Variants in DENND4C observed in about 807,000 individuals in gnomAD.
DENND4C encodes DENN domain containing 4C.
Under a neutral mutation model 203.0 loss-of-function variants are expected in DENND4C, and 108 were observed. The observed-to-expected ratio is 0.53, with a 90% confidence interval of 0.46 to 0.62. The LOEUF is 0.62. Ranked by LOEUF, DENND4C falls within the 20% of genes least tolerant of loss-of-function variation. The pLI, the probability that DENND4C is intolerant of heterozygous loss-of-function variation, is 0.00. For synonymous variants in DENND4C, 871 were observed against 792.4 expected, an observed-to-expected ratio of 1.10 and a Z score of -1.67; for missense variants, 2,481 against 2,301.2, an observed-to-expected ratio of 1.08 and a Z score of -1.60.
chr9:19,249,432 T>C (rs577850938), intron 1 of DENND4C, among the ~76,000 whole-genome samples: 1 of 152,022 alleles, frequency 6.6e-6, no homozygotes, highest in East Asian at 2.0e-4. Flanking sequence ...TTTTTTGTAT[T>C]TTTAGTAGAG....
chr9:19,278,674 C>G (rs1206500444), intron 2 of DENND4C, among the ~76,000 whole-genome samples: 1 of 152,188 alleles, frequency 6.6e-6, no homozygotes, highest in Admixed American at 6.5e-5. Flanking sequence ...CTTTATCTTA[C>G]TTGACCTTTA....
chr9:19,251,416 A>C (rs750981513), intron 1 of DENND4C, among the ~76,000 whole-genome samples: 28 of 152,208 alleles, frequency 1.8e-4, no homozygotes, highest in Non-Finnish European at 3.5e-4. Context: ...CTGTGATGGG[A>C]GAGGCTGCTG....
intron 1 of DENND4C, among the ~76,000 whole-genome samples, chr9:19,271,212 T>G (rs972376637): frequency 2.6e-5 from 4 of 151,026 alleles, no homozygotes; most frequent in African/African-American, 9.7e-5. Flanking sequence ...TTTTTTTTTT[T>G]TTTTTTTGAG....
intron 23 of DENND4C, among the ~76,000 whole-genome samples, chr9:19,347,917 A>G (rs747683676): frequency 1.2e-4 from 19 of 152,224 alleles, no homozygotes; most frequent in African/African-American, 4.8e-5. Flanking sequence ...AAAACGTTAT[A>G]CATAGAGTTA....
chr9:19,347,572 T>G (rs986343300), intron 23 of DENND4C, among the ~76,000 whole-genome samples: 3 of 152,230 alleles, frequency 2.0e-5, no homozygotes, highest in Non-Finnish European at 4.4e-5. Context: ...ATTAAGACAG[T>G]TCTGGTAACT....
In DENND4C at chr9:19,346,640, C is replaced by G. The variant is rs1266835425; in HGVS notation, c.3871C>G (p.Leu1291Val). 1 of 1,614,022 alleles carries G rather than the reference C, an allele frequency of 6.2e-7. No homozygotes were observed. The highest frequency in any genetic ancestry group is 1.1e-5 in the South Asian group (1 of 91,082). The change falls in exon 23 of 33, where the codon CTA (leucine) becomes GTA (valine). Residue 1291 changes from leucine to valine, a missense_variant. Leu to Val is a conservative substitution (Grantham distance 32). Transcript: ENST00000434457. ...LADEIESYMN[L>V]KSPLGSKSSS... ...TGATGAAATAGAAAGCTATATGAAC[C>G]TAAAAAGTCCCCTAGGTAGTAAATC...
In DENND4C at chr9:19,319,636, A is replaced by G. The variant is rs370506747; in HGVS notation, c.1807+2797A>G. ...ATGCCAGATGAAGAATATGGATTGT[A>G]CGGAAGTGACATCACTAAAGGAATT... On this transcript the variant is annotated intron_variant, in intron 12 of 32. Coordinates refer to ENST00000434457, the MANE Select transcript of DENND4C (RefSeq NM_001330640.2). 2.6e-4 allele frequency among the ~76,000 whole-genome samples: 39 copies of G among 151,884 alleles called. No individual in the cohort carries two copies. The East Asian group carries it at 6.4e-3, about 25-fold the overall frequency.
chr9:19,324,225 A>C, intron 12 of DENND4C, 137 bp from the exon 13 acceptor site: 1 of 524,644 alleles, frequency 1.9e-6, no homozygotes, highest in Non-Finnish European at 3.0e-6. Context: ...CTCAACCTAT[A>C]GAAGCTTCTT....
Position 19,305,435 on chromosome 9 carries a change from A to C in DENND4C, c.1395A>C (p.Pro465=), listed in dbSNP as rs747942042. The C allele has an allele frequency of 3.1e-6, 5 of 1,613,840 alleles. No individual in the cohort carries two copies. Among genetic ancestry groups the C allele is most frequent in the Non-Finnish European group, 3.4e-6 (4 of 1,179,930 alleles). ...CTGCAGTGCTTAGTGCACCTTTACC[A>C]TTTATAGTTGGAGTTGACTCAAGGT... is the stretch of plus-strand genomic sequence containing the variant. The part of the protein sequence containing the change: ...SLAAVLSAPL[P]FIVGVDSRYF... Residue 465 remains proline (P), a synonymous_variant, in exon 10 of 33, where the codon CCA becomes CCC. Coordinates refer to ENST00000434457, the MANE Select transcript of DENND4C (RefSeq NM_001330640.2).
chr9:19,296,325 A>T, intron 6 of DENND4C, 79 bp downstream of exon 6: 1 of 1,037,244 alleles, frequency 9.6e-7, no homozygotes, highest in Non-Finnish European at 1.4e-6. Flanking sequence ...AATTTTTAGC[A>T]GCAAAGTTGG....
intron 23 of DENND4C, 99 bp from the exon 24 acceptor site, chr9:19,350,603 A>T: frequency 1.0e-6 from 1 of 986,346 alleles, no homozygotes; most frequent in Non-Finnish European, 1.4e-6. Context: ...TGATTTGTTT[A>T]AGGATTATAG....
At chr9:19,281,634 C>G (rs1313852543) in intron 2 of DENND4C, among the ~76,000 whole-genome samples, 1 of 152,094 alleles carries the variant, frequency 6.6e-6, no homozygotes, top group Non-Finnish European at 1.5e-5. Context: ...CTGATATTCC[C>G]ATAGAAATAC....
At chr9:19,244,829 T>G (rs919384895) in intron 1 of DENND4C, among the ~76,000 whole-genome samples, 3 of 152,154 alleles carry the variant, frequency 2.0e-5, no homozygotes, top group Non-Finnish European at 4.4e-5. Flanking sequence ...CAGTACAGTT[T>G]CGTTCTCCCC....
chr9:19,316,165 C>T (rs1402915604), intron 10 of DENND4C, among the ~76,000 whole-genome samples: 1 of 152,042 alleles, frequency 6.6e-6, no homozygotes, highest in Non-Finnish European at 1.5e-5. Context: ...ATCTAGACTT[C>T]AGTGTTGTAT....
chr9:19,232,335 T>C (rs888980386), intron 1 of DENND4C, among the ~76,000 whole-genome samples: 2 of 152,158 alleles, frequency 1.3e-5, no homozygotes, highest in Admixed American at 1.3e-4. Flanking sequence ...GGTATCTCCG[T>C]TGACCATTTT....
chr9:19,314,474 TG>T (rs1655288095), intron 10 of DENND4C, among the ~76,000 whole-genome samples: 2 of 152,032 alleles, frequency 1.3e-5, no homozygotes, highest in African/African-American at 2.4e-5. Flanking sequence ...GTATACTACT[TG>T]GGTGATGGGT....
intron 1 of DENND4C, among the ~76,000 whole-genome samples, chr9:19,274,988 T>C (rs1329267480): frequency 6.6e-6 from 1 of 152,176 alleles, no homozygotes; most frequent in Non-Finnish European, 1.5e-5. Context: ...AGTATTATTA[T>C]TTTTTTGAGA....
intron 1 of DENND4C, among the ~76,000 whole-genome samples, chr9:19,249,596 C>G (rs1464382908): frequency 6.6e-6 from 1 of 152,104 alleles, no homozygotes; most frequent in African/African-American, 2.4e-5. Flanking sequence ...ACTCCTTTCC[C>G]TTTAGCCACA....
At chr9:19,236,525 A>G (rs1000709694) in intron 1 of DENND4C, among the ~76,000 whole-genome samples, 4 of 152,234 alleles carry the variant, frequency 2.6e-5, no homozygotes, top group African/African-American at 7.2e-5. Context: ...AATTAAGACT[A>G]TATTGTAGAG....
Sources: allele counts gnomAD v4.1 joint callset (sites outside exome capture counted in the v4.1 genomes callset), GRCh38; gene constraint gnomAD v4.1.1; transcripts MANE v1.5; gene names NCBI Gene and HGNC (gene_info 2026-07-23, HGNC 2026-07-21).